Variants in PCDHGA1 observed in about 807,000 individuals in gnomAD.
PCDHGA1 encodes the protein protocadherin gamma-A1.
Under a neutral mutation model 58.0 loss-of-function variants are expected in PCDHGA1, and 32 were observed. The observed-to-expected ratio is 0.55, with a 90% CI of 0.42 to 0.74. The LOEUF (loss-of-function observed/expected upper bound fraction) is 0.74, where lower values mean the gene tolerates loss of function less well. Ranked by LOEUF, PCDHGA1 falls within the 30% of genes least tolerant of loss-of-function variation. The probability of loss-of-function intolerance (pLI) is 0.00; values close to 1 mark genes in which losing one functional copy is unlikely to be tolerated. For missense variants in PCDHGA1, 1,205 were observed against 1,182.3 expected (o/e 1.02, Z -0.28); for synonymous variants, 498 against 501.1 (o/e 0.99, Z 0.08).
At chr5:141,508,434 G>A (rs2099868795) in intron 3 of PCDHGA1, among the ~76,000 whole-genome samples, 1 of 152,160 alleles carries the variant, frequency 6.6e-6, no homozygotes, top group Admixed American at 6.5e-5. Flanking sequence ...AGCTCACACA[G>A]TTCCTTAGTG....
intron 1 of PCDHGA1, chr5:141,365,344 G>A: frequency 6.2e-7 from 1 of 1,613,966 alleles, no homozygotes; most frequent in South Asian, 1.1e-5. Context: ...TCACAGTACA[G>A]GACGTGAATG....
At chr5:141,365,169 C>G (rs1419653105) in intron 1 of PCDHGA1, 1 of 1,613,808 alleles carries the variant, frequency 6.2e-7, no homozygotes, top group Non-Finnish European at 8.5e-7. Context: ...TTGACCTACT[C>G]TTTTCGCAAT....
At chr5:141,452,908 A>G (rs747849272) in intron 1 of PCDHGA1, among the ~76,000 whole-genome samples, 5 of 152,222 alleles carry the variant, frequency 3.3e-5, no homozygotes, top group African/African-American at 4.8e-5. Flanking sequence ...AGTTGGCATT[A>G]TACAGTAAGA....
At chr5:141,339,964 G>T (rs775544632) in intron 1 of PCDHGA1, 19 of 1,613,992 alleles carry the variant, frequency 1.2e-5, no homozygotes, top group Non-Finnish European at 1.6e-5. Context: ...TAACCAGAGC[G>T]AAGGTTATCG....
Position 141,476,242 on chromosome 5 carries a change from G to T in PCDHGA1, c.2422-18565G>T. ...ACTATGAGATCCCGGAGGAAAGAGA[G>T]AAGGGTTTCGCTGTGGGCAACGTGG... is the stretch of plus-strand genomic sequence containing the variant. On this transcript the variant is annotated intron_variant, in intron 1 of 3. Coordinates refer to ENST00000517417, the MANE Select transcript of PCDHGA1 (RefSeq NM_018912.3). The surrounding 1 kb of genome is among the most constrained non-coding windows in gnomAD (Gnocchi z 7.6). 6.2e-7 allele frequency: 1 copy of T among 1,614,100 alleles called. No individual in the cohort carries two copies.
chr5:141,427,129 T>A lies in PCDHGA1; in HGVS notation c.2422-67678T>A, dbSNP rs752552669. ...GAGATCACCTACTCTTTCAAATCCC[T>A]ACGAGATGATATTGGAAATATGTTT... On this transcript the variant is annotated intron_variant, in intron 1 of 3. Coordinates refer to ENST00000517417, the MANE Select transcript of PCDHGA1 (RefSeq NM_018912.3). 125 of 457,106 alleles carry A rather than the reference T, an allele frequency of 2.7e-4. 2 individuals are homozygous for A. Among genetic ancestry groups the A allele is most frequent in the Non-Finnish European group, 4.0e-5 (9 of 227,024 alleles). The allele number at this position is 457,106 out of a possible 1,614,324, so 28.3% of individuals were successfully genotyped here.
At chr5:141,410,903 G>C (rs191165984) in intron 1 of PCDHGA1, 2 of 276,978 alleles carry the variant, frequency 7.2e-6, no homozygotes, top group South Asian at 4.9e-5. Context: ...GCCTAGGCTG[G>C]AGTGCAGTGG....
chr5:141,445,303 G>A (rs145466142), intron 1 of PCDHGA1, among the ~76,000 whole-genome samples: 327 of 152,332 alleles, frequency 2.1e-3, no homozygotes, highest in African/African-American at 7.6e-3. Context: ...ATTCTCTTCA[G>A]TTTGTAGGTT....
chr5:141,431,464 G>A lies in PCDHGA1; in HGVS notation c.2422-63343G>A. The A allele has an allele frequency of 1.9e-6, 3 of 1,613,782 alleles. No individual in the cohort carries two copies. Among genetic ancestry groups the A allele is most frequent in the Non-Finnish European group, 1.7e-6 (2 of 1,179,972 alleles). ...GCATCCGCGTGATGGTTCTGGATGC[G>A]AACGACAACGCACCAGCGTTTGCTC... On this transcript the variant is annotated intron_variant, in intron 1 of 3. Coordinates refer to ENST00000517417, the MANE Select transcript of PCDHGA1 (RefSeq NM_018912.3). This position sits in a 1 kb window ranked among gnomAD's most constrained non-coding sequence, Gnocchi z 4.8.
chr5:141,345,410 C>T, intron 1 of PCDHGA1: 1 of 1,614,104 alleles, frequency 6.2e-7, no homozygotes, highest in Non-Finnish European at 8.5e-7. Flanking sequence ...CCTACTCCGC[C>T]TACATTCCAG....
At position 141,340,288 on chromosome 5, in the gene PCDHGA1, G is replaced by A. The variant is rs532317008; in HGVS notation, c.2421+7183G>A. The A allele has an allele frequency of 2.2e-5, 36 of 1,614,102 alleles. No individual in the cohort carries two copies. The South Asian group carries it at 3.6e-4, about 16-fold the overall frequency. On this transcript the variant is annotated intron_variant, in intron 1 of 3. Coordinates refer to ENST00000517417, the MANE Select transcript of PCDHGA1 (RefSeq NM_018912.3). ...CCCTGTCCACGGATGCTCACATTTT[G>A]CTCCAGGTGGCAGACATCAACGACA...
chr5:141,477,312 T>G lies in PCDHGA1; in HGVS notation c.2422-17495T>G. On this transcript the variant is annotated intron_variant, in intron 1 of 3. Coordinates refer to ENST00000517417, the MANE Select transcript of PCDHGA1 (RefSeq NM_018912.3). This position sits in a 1 kb window ranked among gnomAD's most constrained non-coding sequence, Gnocchi z 4.9. ...GTTCCACCGGGTCTCCCTTTCAGCC[T>G]TACTTCTTCCCTCAAGAATTACTTC... The G allele has an allele frequency of 1.2e-6, 2 of 1,614,162 alleles. No individual in the cohort carries two copies. The highest frequency in any genetic ancestry group is 1.7e-6 in the Non-Finnish European group (2 of 1,180,032).
chr5:141,394,534 G>T (rs751746485), intron 1 of PCDHGA1: 2 of 1,614,074 alleles, frequency 1.2e-6, no homozygotes, highest in Non-Finnish European at 1.7e-6. Flanking sequence ...GGTTCCACTG[G>T]CGTGGAGCTG....
At chr5:141,361,722 G>A in intron 1 of PCDHGA1, 4 of 1,613,314 alleles carry the variant, frequency 2.5e-6, no homozygotes, top group East Asian at 2.2e-5. Flanking sequence ...GCGCCTTCGA[G>A]CTCACACTGC....
Position 141,432,084 on chromosome 5 carries a change from TG to T in PCDHGA1, c.2422-62721del. 6.2e-7 allele frequency: 1 copy of T among 1,614,186 alleles called. No homozygotes were observed. Among genetic ancestry groups the T allele is most frequent in the Non-Finnish European group, 8.5e-7 (1 of 1,180,034 alleles). ...ACGGAAACTCATATCTCGCTGAACG[TG>T]GCAGACACCAACGACAACCCGCCGG... On this transcript the variant is annotated intron_variant, in intron 1 of 3. Transcript: ENST00000517417. The surrounding 1 kb of genome is among the most constrained non-coding windows in gnomAD (Gnocchi z 6.0).
chr5:141,358,466 T>A (rs1432886390), intron 1 of PCDHGA1, among the ~76,000 whole-genome samples: 1 of 152,230 alleles, frequency 6.6e-6, no homozygotes, highest in Non-Finnish European at 1.5e-5. Context: ...ACTGGCAATT[T>A]GTGAGTTTAA....
chr5:141,503,671 A>G (rs1028896082), intron 2 of PCDHGA1, among the ~76,000 whole-genome samples: 2 of 151,950 alleles, frequency 1.3e-5, no homozygotes, highest in Non-Finnish European at 2.9e-5. Flanking sequence ...AACTCTTCCC[A>G]CTTTTGGGAA....
At chr5:141,353,092 G>A (rs377333833) in intron 1 of PCDHGA1, among the ~76,000 whole-genome samples, 1 of 152,080 alleles carries the variant, frequency 6.6e-6, no homozygotes, top group Admixed American at 6.5e-5. Flanking sequence ...CTGCGGGAGG[G>A]GGTACTAGAT....
intron 1 of PCDHGA1, chr5:141,350,744 A>T: frequency 6.2e-7 from 1 of 1,613,954 alleles, no homozygotes; most frequent in Non-Finnish European, 8.5e-7. Context: ...TGTGGAAGGC[A>T]ATTCACTGAA....
Sources: gnomAD v4.1 joint callset for allele counts (sites outside exome capture counted in the v4.1 genomes callset) on GRCh38, gnomAD v4.1.1 for gene constraint, Gnocchi (gnomAD v3.1) non-coding constraint, MANE v1.5 for transcripts, NCBI Gene and HGNC (gene_info 2026-07-23, HGNC 2026-07-21) for gene names.